The following SH2D4B variants were observed in gnomAD, a reference collection of about 807,000 sequenced individuals.
SH2D4B encodes SH2 domain containing 4B.
Under a neutral mutation model 61.5 loss-of-function variants are expected in SH2D4B, and 45 were observed. The observed-to-expected ratio is 0.73, with a 90% confidence interval of 0.58 to 0.94. The LOEUF (loss-of-function observed/expected upper bound fraction) is 0.94, where lower values mean the gene tolerates loss of function less well. Among genes scored for constraint, SH2D4B ranks in the 40% least tolerant of loss-of-function variants. The pLI is 0.00. For synonymous variants in SH2D4B, 224 were observed against 220.4 expected (o/e 1.02, Z -0.14); for missense variants, 572 against 574.2 (o/e 1.00, Z 0.04).
intron 6 of SH2D4B, among the ~76,000 whole-genome samples, chr10:80,619,319 C>T (rs532789092): frequency 2.2e-4 from 34 of 152,348 alleles, no homozygotes; most frequent in African/African-American, 7.5e-4. Flanking sequence ...TCTTTACTCA[C>T]TGCAGCCTGT....
rs530431864 is a variant in SH2D4B, at chr10:80,606,137, G to T, written c.860+2342G>T. Among the ~76,000 whole-genome samples, 4 of 152,274 alleles carry T rather than the reference G, an allele frequency of 2.6e-5. No homozygotes were observed. The South Asian group carries it at 8.3e-4, about 32-fold the overall frequency. On this transcript the variant is annotated intron_variant, in intron 5 of 7. Coordinates refer to ENST00000646907, the MANE Select transcript of SH2D4B (RefSeq NM_001388272.1). ...GCCTCACTGCTGTCACCTCTGTGGCGCCTGTCAGCACACCTCATCTGTTTG... is the reference window on the plus strand; with the variant it reads ...GCCTCACTGCTGTCACCTCTGTGGCTCCTGTCAGCACACCTCATCTGTTTG...
chr10:80,582,471 T>C (rs1336945940), intron 3 of SH2D4B, among the ~76,000 whole-genome samples: 2 of 152,178 alleles, frequency 1.3e-5, no homozygotes, highest in East Asian at 3.8e-4. Flanking sequence ...CTTCATCTGG[T>C]TGCTAGGCTA....
chr10:80,622,447 A>C (rs1374906679), intron 6 of SH2D4B, among the ~76,000 whole-genome samples: 2 of 152,088 alleles, frequency 1.3e-5, no homozygotes, highest in Non-Finnish European at 2.9e-5. Context: ...AGTATTTCTA[A>C]CTCCACGGAG....
Position 80,627,053 on chromosome 10 carries a change from T to C in SH2D4B, c.989-7232T>C, listed in dbSNP as rs527574523. The stretch of plus-strand genomic sequence containing the variant: ...CACAGAGGCCCCAGATCGTGCCTAA[T>C]GCTGGCTGTGACATAAGCGTCTCAC... On this transcript the variant is annotated intron_variant, in intron 6 of 7. Transcript: ENST00000646907. 5.9e-5 allele frequency among the ~76,000 whole-genome samples: 9 copies of C among 152,190 alleles called. No homozygotes were observed. The East Asian group carries it at 1.7e-3, about 29-fold the overall frequency.
chr10:80,590,055 G>A (rs554065255), intron 4 of SH2D4B, among the ~76,000 whole-genome samples: 2 of 152,316 alleles, frequency 1.3e-5, no homozygotes, highest in South Asian at 4.1e-4. Flanking sequence ...CTAGAGACAG[G>A]AGGCACGGCA....
chr10:80,546,110 T>A (rs1841677324), intron 1 of SH2D4B, among the ~76,000 whole-genome samples: 1 of 147,638 alleles, frequency 6.8e-6, no homozygotes, highest in South Asian at 2.3e-4. Flanking sequence ...AGTGGTGCAA[T>A]CTCAGCTCAC....
At chr10:80,556,364 A>G (rs578104125) in intron 1 of SH2D4B, among the ~76,000 whole-genome samples, 1 of 152,192 alleles carries the variant, frequency 6.6e-6, no homozygotes, top group Non-Finnish European at 1.5e-5. Flanking sequence ...TTTATAGTAA[A>G]TCTTAAAACA....
Position 80,609,447 on chromosome 10 carries a change from GC to G in SH2D4B, c.887del (p.Pro296GlnfsTer49), listed in dbSNP as rs1161084837. 1.3e-5 allele frequency: 21 copies of G among 1,613,814 alleles called. No individual in the cohort carries two copies. Among genetic ancestry groups the G allele is most frequent in the Non-Finnish European group, 1.7e-5 (20 of 1,179,948 alleles). On this transcript the variant is annotated frameshift_variant, in exon 6 of 8. Coordinates refer to ENST00000646907, the MANE Select transcript of SH2D4B (RefSeq NM_001388272.1). LOFTEE classifies it high-confidence loss of function. ...AGCAGGACCTGGGAGCGCCCGCTGC[GC>G]CCAGTCTCCAGAGATGTCATCGTCC... ...PVSRTWERPL[R>X]PVSRDVIVRW...
At chr10:80,587,454 T>A (rs1409952337) in intron 3 of SH2D4B, among the ~76,000 whole-genome samples, 1 of 152,156 alleles carries the variant, frequency 6.6e-6, no homozygotes. Flanking sequence ...TAATTTTGTA[T>A]TTTTAGTAGA....
chr10:80,640,529 T>G (rs1369668926), intron 7 of SH2D4B, among the ~76,000 whole-genome samples: 1 of 152,242 alleles, frequency 6.6e-6, no homozygotes, highest in Non-Finnish European at 1.5e-5. Context: ...TCGCTTTATT[T>G]CATTAATTTG....
intron 1 of SH2D4B, chr10:80,540,779 G>C: frequency 6.5e-7 from 1 of 1,534,618 alleles, no homozygotes; most frequent in Non-Finnish European, 8.8e-7. Context: ...GGATCATAGG[G>C]AACACAGCCA....
At chr10:80,639,142 T>C (rs1279980051) in intron 7 of SH2D4B, among the ~76,000 whole-genome samples, 1 of 152,248 alleles carries the variant, frequency 6.6e-6, no homozygotes, top group Non-Finnish European at 1.5e-5. Context: ...TGCACTGTGG[T>C]CTGAGAGACA....
chr10:80,554,769 G>A (rs1469845269), intron 1 of SH2D4B, among the ~76,000 whole-genome samples: 1 of 152,102 alleles, frequency 6.6e-6, no homozygotes, highest in Non-Finnish European at 1.5e-5. Context: ...CAGCACTTTG[G>A]GAGGCCGAGG....
intron 6 of SH2D4B, among the ~76,000 whole-genome samples, chr10:80,633,125 C>A (rs148370257): frequency 1.2e-3 from 178 of 151,814 alleles, no homozygotes; most frequent in African/African-American, 3.8e-3. Context: ...GACTGCGGCT[C>A]GCTCGGGAGT....
intron 7 of SH2D4B, among the ~76,000 whole-genome samples, chr10:80,637,809 C>G (rs931026549): frequency 6.6e-6 from 1 of 152,224 alleles, no homozygotes; most frequent in Non-Finnish European, 1.5e-5. Context: ...CTGGCCAGAA[C>G]TTCCAACACT....
chr10:80,556,477 A>C (rs1035669238), intron 1 of SH2D4B, among the ~76,000 whole-genome samples: 1 of 152,202 alleles, frequency 6.6e-6, no homozygotes, highest in African/African-American at 2.4e-5. Context: ...AATTCTGTAA[A>C]AAGCTTTCTG....
In SH2D4B at chr10:80,588,690, A is replaced by T; in HGVS notation, c.556A>T (p.Arg186Trp). Residue 186 changes from arginine (R) to tryptophan (W), a missense_variant, in exon 4 of 8, where the codon AGG becomes TGG. Arg to Trp is a moderately radical substitution (Grantham distance 101). Transcript: ENST00000646907. ...GCAGATTCGCCTCCAGGAAGAGCAG[A>T]GGGCGAAGGAGCTCTACTGGACCCT... Reference protein sequence around the residue: ...EEQIRLQEEQRAKELYWTLKQ... With the variant: ...EEQIRLQEEQWAKELYWTLKQ... 1 of 1,614,108 alleles carries T rather than the reference A, an allele frequency of 6.2e-7. No individual in the cohort carries two copies. The highest frequency in any genetic ancestry group is 8.5e-7 in the Non-Finnish European group (1 of 1,180,048).
chr10:80,604,461 C>T (rs1452518576), intron 5 of SH2D4B, among the ~76,000 whole-genome samples: 1 of 152,204 alleles, frequency 6.6e-6, no homozygotes, highest in Non-Finnish European at 1.5e-5. Context: ...CTCCTTCCCT[C>T]ATCATTGTTG....
At chr10:80,607,539 A>C (rs1386565967) in intron 5 of SH2D4B, 2 of 152,246 alleles carry the variant, frequency 1.3e-5, no homozygotes, top group African/African-American at 4.8e-5. Context: ...TGTCCTTCCA[A>C]CATCTTTTCT....
Sources: allele counts gnomAD v4.1 joint callset (sites outside exome capture counted in the v4.1 genomes callset), GRCh38; gene constraint gnomAD v4.1.1; transcripts MANE v1.5; gene names NCBI Gene and HGNC (gene_info 2026-07-23, HGNC 2026-07-21).